TLE6: variants seen among roughly 807,000 people sequenced by gnomAD.
TLE6 encodes TLE family member 6, subcortical maternal complex member.
TLE6 carries 72 observed loss-of-function variants against 77.1 expected under a neutral mutation model. The observed-to-expected ratio is 0.93, with a 90% CI of 0.77 to 1.14. The LOEUF (loss-of-function observed/expected upper bound fraction) is 1.14. Ranked by LOEUF, TLE6 falls within the 50% of genes most tolerant of loss-of-function variation. The pLI is 0.00. For missense variants in TLE6, 843 were observed against 747.6 expected (o/e 1.13, Z -1.49); for synonymous variants, 366 against 287.3 (o/e 1.27, Z -2.77).
At chr19:2,994,127 G>T in intron 16 of TLE6, 32 bp downstream of exon 16, 1 of 1,575,200 alleles carries the variant, frequency 6.3e-7, no homozygotes, top group Non-Finnish European at 8.6e-7. Context: ...AGGACCCGGG[G>T]GTGGCCCCAA....
intron 1 of TLE6, 74 bp from the exon 2 acceptor site, chr19:2,978,124 T>G (rs2088715603): frequency 8.7e-7 from 1 of 1,143,488 alleles, no homozygotes; most frequent in African/African-American, 1.5e-5. Flanking sequence ...GCGGGTGGGG[T>G]AACGGGTGCC....
intron 13 of TLE6, 32 bp from the exon 14 acceptor site, chr19:2,991,811 C>T (rs369839776): frequency 1.2e-6 from 2 of 1,611,222 alleles, no homozygotes; most frequent in Non-Finnish European, 8.5e-7. Context: ...AGAGTCTTGA[C>T]CTGATTGCCT....
chr19:2,987,320 CTG>C, intron 7 of TLE6, 34 bp from the exon 8 acceptor site: 1 of 1,614,158 alleles, frequency 6.2e-7, no homozygotes, highest in South Asian at 1.1e-5. Context: ...GCTGTTCTCT[CTG>C]TCCCCCTCCT....
chr19:2,983,021 C>T (rs1044903465), intron 5 of TLE6, among the ~76,000 whole-genome samples: 20 of 152,218 alleles, frequency 1.3e-4, no homozygotes, highest in South Asian at 4.1e-4. Flanking sequence ...GTACGCCTTC[C>T]AGCCCTGCCT....
chr19:2,977,932 G>A (rs759866906), intron 1 of TLE6, among the ~76,000 whole-genome samples: 6 of 152,076 alleles, frequency 3.9e-5, no homozygotes, highest in Non-Finnish European at 7.4e-5. Flanking sequence ...AGCAGGGAGT[G>A]TATGTGCACT....
chr19:2,983,628 G>T (rs11880355), intron 5 of TLE6, among the ~76,000 whole-genome samples: 5 of 71,914 alleles, frequency 7.0e-5, no homozygotes, highest in East Asian at 5.9e-4. Context: ...GAGGAGGAGG[G>T]GGGGAGGGCA....
Position 2,989,141 on chromosome 19 carries a change from C to G in TLE6, c.821C>G (p.Pro274Arg). ...GGGCAGTCAAAGAGACTCGCCGTCC[C>G]GTGCAAACTGGAAAAGATGCGGATC... The part of the protein sequence containing the change: ...LPGQSKRLAV[P>R]CKLEKMRILA... Residue 274 changes from proline to arginine, a missense_variant, in exon 12 of 17, where the codon CCG becomes CGG. By Grantham distance (103) the Pro-to-Arg change is moderately radical. Transcript: ENST00000246112. The G allele has an allele frequency of 3.7e-6, 6 of 1,614,146 alleles. No homozygotes were observed. The highest frequency in any genetic ancestry group is 5.1e-6 in the Non-Finnish European group (6 of 1,180,048).
intron 16 of TLE6, 140 bp from the exon 17 acceptor site, chr19:2,994,760 C>T (rs2145080610): frequency 5.9e-6 from 3 of 504,336 alleles, no homozygotes; most frequent in Admixed American, 3.2e-5. Flanking sequence ...GCTGAGATTG[C>T]ACCACTGCAC....
intron 2 of TLE6, among the ~76,000 whole-genome samples, chr19:2,979,216 T>A (rs149846402): frequency 1.3e-5 from 2 of 152,078 alleles, no homozygotes; most frequent in African/African-American, 4.8e-5. Context: ...CCTCCCAAAG[T>A]GCTGGGGTTA....
chr19:2,978,620 G>T (rs1407960296), intron 2 of TLE6, among the ~76,000 whole-genome samples: 2 of 152,124 alleles, frequency 1.3e-5, no homozygotes, highest in African/African-American at 4.8e-5. Context: ...GCTGGGCCTA[G>T]TGACGTGGGC....
In TLE6 at chr19:2,986,810, G is replaced by A. The variant is rs1040789708; in HGVS notation, c.223-19G>A. The A allele has an allele frequency of 3.9e-6, 6 of 1,551,326 alleles. No individual in the cohort carries two copies. The Admixed American group carries it at 7.9e-5, about 20-fold the overall frequency. On this transcript the variant is annotated intron_variant, in intron 5 of 16. Transcript: ENST00000246112. ...AACTGCAACAACATTTAACTGTTTT[G>A]CTGCCAACCTCCTTCTAGATAGGAA...
At chr19:2,982,402 G>T (rs1009005555) in intron 5 of TLE6, among the ~76,000 whole-genome samples, 1 of 152,014 alleles carries the variant, frequency 6.6e-6, no homozygotes, top group Non-Finnish European at 1.5e-5. Flanking sequence ...GCCAGGCGTG[G>T]TGGCGGGCGC....
Position 2,991,993 on chromosome 19 carries a change from G to A in TLE6, c.1386+9G>A. 1 of 1,612,628 alleles carries A rather than the reference G, an allele frequency of 6.2e-7. No homozygotes were observed. Among genetic ancestry groups the A allele is most frequent in the Non-Finnish European group, 8.5e-7 (1 of 1,179,524 alleles). ...ACCAATTCAAGTCTCAGGTGCGGAG[G>A]CCGGGATGGGGTCTGCTTGGCCAGG... On this transcript the variant is annotated intron_variant, in intron 14 of 16. Coordinates refer to ENST00000246112, the MANE Select transcript of TLE6 (RefSeq NM_001143986.2).
chr19:2,983,719 TCAGA>T (rs1194215777), intron 5 of TLE6, among the ~76,000 whole-genome samples: 1 of 151,700 alleles, frequency 6.6e-6, no homozygotes, highest in African/African-American at 2.4e-5. Flanking sequence ...ATGGAGGGCT[TCAGA>T]CAGAGGGCAG....
chr19:2,993,686 A>G, intron 15 of TLE6, 104 bp downstream of exon 15: 1 of 1,418,232 alleles, frequency 7.1e-7, no homozygotes, highest in Non-Finnish European at 9.5e-7. Context: ...GACACCTCAG[A>G]ACCCTTCTGT....
At chr19:2,991,775 C>G in intron 13 of TLE6, 68 bp from the exon 14 acceptor site, 1 of 1,506,982 alleles carries the variant, frequency 6.6e-7, no homozygotes, top group Non-Finnish European at 9.2e-7. Flanking sequence ...AATGTAGTGA[C>G]TGGTGTTTCC....
intron 5 of TLE6, 61 bp from the exon 6 acceptor site, chr19:2,986,768 T>C: frequency 2.0e-6 from 3 of 1,490,800 alleles, no homozygotes; most frequent in African/African-American, 1.4e-5. Flanking sequence ...AATCATGCTG[T>C]AGGATTGCAA....
Position 2,986,071 on chromosome 19 carries a change from CAAAAAAAAAAAAAAAAAAA to C in TLE6, c.223-737_223-719del, listed in dbSNP as rs547031586. Reference sequence around the variant, plus strand: ...CCTGGGCCACAGCGTGAGACTGTCTCAAAAAAAAAAAAAAAAAAAAAAAAAAAAAAAAAAAAAAAGATAT... The same window carrying C: ...CCTGGGCCACAGCGTGAGACTGTCTCAAAAAAAAAAAAAAAAAAAAGATAT... On this transcript the variant is annotated intron_variant, in intron 5 of 16. Transcript: ENST00000246112. Among the ~76,000 whole-genome samples, 249 of 41,268 alleles carry C rather than the reference CAAAAAAAAAAAAAAAAAAA, an allele frequency of 6.0e-3. 9 individuals carry two copies. In the East Asian group the frequency reaches 0.1, roughly 17 times the overall value. The allele number at this position is 41,268 out of a possible 152,430, so 27.1% of individuals were successfully genotyped here.
intron 4 of TLE6, 65 bp from the exon 5 acceptor site, chr19:2,982,083 C>A: frequency 6.5e-7 from 1 of 1,529,086 alleles, no homozygotes; most frequent in Non-Finnish European, 8.9e-7. Context: ...GAGCAGCTTG[C>A]CCAGGGTCAC....
Sources: allele counts gnomAD v4.1 joint callset (sites outside exome capture counted in the v4.1 genomes callset), GRCh38; gene constraint gnomAD v4.1.1; transcripts MANE v1.5; gene names NCBI Gene and HGNC (gene_info 2026-07-23, HGNC 2026-07-21).